The following DNAJB14 variants were observed in gnomAD, a reference collection of about 807,000 sequenced individuals.
DNAJB14 encodes the protein dnaJ homolog subfamily B member 14.
In DNAJB14, 22 loss-of-function variants were observed where a neutral mutation model predicts 48.4. That is an observed-to-expected ratio of 0.45 (90% confidence interval 0.32 to 0.65). The LOEUF (loss-of-function observed/expected upper bound fraction) is 0.65. DNAJB14 is among the 30% of genes least tolerant of loss of function. The pLI, the probability that DNAJB14 is intolerant of heterozygous loss-of-function variation, is 0.03. For missense variants in DNAJB14, 319 were observed against 458.8 expected, an observed-to-expected ratio of 0.70 and a Z score of 2.78; for synonymous variants, 142 against 158.7, an observed-to-expected ratio of 0.89 and a Z score of 0.79.
chr4:99,934,306 A>G (rs1726588738), intron 1 of DNAJB14, among the ~76,000 whole-genome samples: 1 of 152,210 alleles, frequency 6.6e-6, no homozygotes, highest in Non-Finnish European at 1.5e-5. Flanking sequence ...GTAAAAGAAA[A>G]TGACAGAAGT....
Position 99,905,604 on chromosome 4 carries a change from G to T in DNAJB14, c.835C>A (p.Pro279Thr). The T allele has an allele frequency of 6.2e-7, 1 of 1,607,650 alleles. No homozygotes were observed. The highest frequency in any genetic ancestry group is 8.5e-7 in the Non-Finnish European group (1 of 1,176,676). The part of the protein sequence containing the change: ...MVSNPPYSLY[P>T]RSGTGQTIKM... The stretch of plus-strand genomic sequence containing the variant: ...CTTCACTTGGCTACTTACGATCTGG[G>T]ATATAAGGAATAAGGAGGATTAGAG... Residue 279 changes from proline to threonine, a missense_variant, in exon 6 of 8, where the codon CCC becomes ACC. Pro to Thr is a conservative substitution (Grantham distance 38). Coordinates refer to ENST00000442697, the MANE Select transcript of DNAJB14 (RefSeq NM_001031723.4).
rs1725164430 is a variant in DNAJB14 at position 99,897,183 on chromosome 4, C to A, written c.*3845G>T. ...ACAATCACACATTTGAGGTAATTAG[C>A]TGGGAAAAAAAAAAAAAAATATATA... On this transcript the variant is annotated 3_prime_UTR_variant, in exon 8 of 8. Coordinates refer to ENST00000442697, the MANE Select transcript of DNAJB14 (RefSeq NM_001031723.4). 8.5e-6 allele frequency: 1 copy of A among 117,048 alleles called. No individual in the cohort carries two copies. Among genetic ancestry groups the A allele is most frequent in the African/African-American group, 3.4e-5 (1 of 29,536 alleles). 7.3% of individuals were successfully genotyped at this position (117,048 alleles called of 1,614,324 possible).
chr4:99,937,217 T>C (rs1241634713), intron 1 of DNAJB14, among the ~76,000 whole-genome samples: 1 of 151,990 alleles, frequency 6.6e-6, no homozygotes, highest in Admixed American at 6.5e-5. Context: ...CTCGGGAGGC[T>C]GAGGCAGGAG....
At chr4:99,917,878 G>A (rs532553943) in intron 3 of DNAJB14, among the ~76,000 whole-genome samples, 3 of 152,012 alleles carry the variant, frequency 2.0e-5, no homozygotes, top group African/African-American at 4.8e-5. Flanking sequence ...TAGGTAAGGC[G>A]TCATTTCTCT....
intron 1 of DNAJB14, 101 bp from the exon 2 acceptor site, chr4:99,930,722 C>T (rs17613664): frequency 0.06 from 76,664 of 1,287,370 alleles, 2,878 homozygotes; most frequent in Non-Finnish European, 0.072. Flanking sequence ...AGTGTGTTCT[C>T]CAAAAAGATT....
intron 2 of DNAJB14, chr4:99,928,064 A>T (rs1343113161): frequency 6.6e-6 from 1 of 152,204 alleles, no homozygotes. Flanking sequence ...AATTACATTT[A>T]ATTAAAAAGG....
At chr4:99,907,366 C>T (rs774130434) in intron 4 of DNAJB14, among the ~76,000 whole-genome samples, 5 of 152,118 alleles carry the variant, frequency 3.3e-5, no homozygotes, top group Admixed American at 6.6e-5. Context: ...CTTTGCAAAA[C>T]GTCCTATCAA....
In DNAJB14 at chr4:99,946,443, G is replaced by A; in HGVS notation, c.129C>T (p.Ala43=). 2 of 1,612,004 alleles carry A rather than the reference G, an allele frequency of 1.2e-6. No homozygotes were observed. Among genetic ancestry groups the A allele is most frequent in the South Asian group, 1.1e-5 (1 of 90,760 alleles). Reference sequence around the variant, plus strand: ...GAAGGGACGCTGAGGTCTCACCGCGGGCCGAGGGCAGTGGGTAGAGCTTCT... The same window carrying A: ...GAAGGGACGCTGAGGTCTCACCGCGAGCCGAGGGCAGTGGGTAGAGCTTCT... ...KAEKLYPLPS[A]RALLEIIMKN... Residue 43 remains alanine, a synonymous_variant, in exon 1 of 8, where the codon GCC becomes GCT. Coordinates refer to ENST00000442697, the MANE Select transcript of DNAJB14 (RefSeq NM_001031723.4).
At chr4:99,934,604 G>A (rs1726598117) in intron 1 of DNAJB14, among the ~76,000 whole-genome samples, 1 of 151,598 alleles carries the variant, frequency 6.6e-6, no homozygotes, top group Non-Finnish European at 1.5e-5. Flanking sequence ...GACTAGCCTG[G>A]TCAACATGGT....
Position 99,940,478 on chromosome 4 carries a change from G to A in DNAJB14, c.133+5961C>T, listed in dbSNP as rs139701025. Among the ~76,000 whole-genome samples, 227 of 152,222 alleles carry A rather than the reference G, an allele frequency of 1.5e-3. 1 individual carries two copies. The highest frequency in any genetic ancestry group is 5.2e-3 in the African/African-American group (217 of 41,532). On this transcript the variant is annotated intron_variant, in intron 1 of 7. Transcript: ENST00000442697. The stretch of plus-strand genomic sequence containing the variant: ...GTCGTGACACACGCCTGTAGTCCTA[G>A]CTACTCGGAGGCTGAGGCAAGATAA...
intron 6 of DNAJB14, 147 bp downstream of exon 6, chr4:99,905,450 A>T (rs1725429836): frequency 1.8e-6 from 1 of 555,692 alleles, no homozygotes; most frequent in Non-Finnish European, 3.2e-6. Context: ...TAACTATTTT[A>T]AAAAATTAGA....
chr4:99,915,578 T>C (rs1725825170), intron 3 of DNAJB14, among the ~76,000 whole-genome samples: 1 of 152,244 alleles, frequency 6.6e-6, no homozygotes, highest in Admixed American at 6.5e-5. Flanking sequence ...TTGATTCCAC[T>C]GTGGTTAGTG....
intron 2 of DNAJB14, chr4:99,923,596 A>T: frequency 1.1e-6 from 1 of 913,774 alleles, no homozygotes; most frequent in Non-Finnish European, 1.3e-6. Context: ...AACATGCATT[A>T]CATTCCAAAA....
chr4:99,928,886 T>G (rs1253045927), intron 2 of DNAJB14: 1 of 154,726 alleles, frequency 6.5e-6, no homozygotes, highest in Admixed American at 6.5e-5. Flanking sequence ...AGCACACTGC[T>G]TACTAATAAA....
At chr4:99,926,046 C>T (rs1202653765) in intron 2 of DNAJB14, 1 of 152,202 alleles carries the variant, frequency 6.6e-6, no homozygotes, top group Non-Finnish European at 1.5e-5. Context: ...AGCACACCTT[C>T]TCTGCCTCTC....
At chr4:99,902,169 C>T (rs953364507) in intron 7 of DNAJB14, among the ~76,000 whole-genome samples, 1 of 152,100 alleles carries the variant, frequency 6.6e-6, no homozygotes, top group African/African-American at 2.4e-5. Context: ...AGTCTAGATT[C>T]CAGTCCAACT....
At chr4:99,923,308 G>C in intron 2 of DNAJB14, 123 bp from the exon 3 acceptor site, 3 of 923,090 alleles carry the variant, frequency 3.2e-6, no homozygotes, top group Non-Finnish European at 4.7e-6. Flanking sequence ...AAAATCTAAT[G>C]AAGGCTTATC....
chr4:99,922,456 C>G (rs1291745699), intron 3 of DNAJB14: 1 of 151,810 alleles, frequency 6.6e-6, no homozygotes. Context: ...AATCACTTCT[C>G]TGACATTTAT....
chr4:99,922,373 T>C (rs1278311091), intron 3 of DNAJB14: 4 of 152,100 alleles, frequency 2.6e-5, no homozygotes, highest in African/African-American at 9.7e-5. Context: ...CAATCACAAA[T>C]TTAGGCATTT....
Sources: gnomAD v4.1 joint callset for allele counts (sites outside exome capture counted in the v4.1 genomes callset) on GRCh38, gnomAD v4.1.1 for gene constraint, MANE v1.5 for transcripts, NCBI Gene and HGNC (gene_info 2026-07-23, HGNC 2026-07-21) for gene names.